Variants in R3HDM1 observed in about 807,000 individuals in gnomAD.
R3HDM1 encodes R3H domain containing 1.
Under a neutral mutation model 141.1 loss-of-function variants are expected in R3HDM1, and 46 were observed. That is an observed-to-expected ratio of 0.33 (90% CI 0.26 to 0.42). The LOEUF is 0.42. R3HDM1 is among the 10% of genes least tolerant of loss of function. The probability of loss-of-function intolerance (pLI) is 1.00; values close to 1 mark genes in which losing one functional copy is unlikely to be tolerated. For synonymous variants in R3HDM1, 435 were observed against 472.9 expected, an observed-to-expected ratio of 0.92 and a Z score of 1.04; for missense variants, 1,184 against 1,368.3, an observed-to-expected ratio of 0.87 and a Z score of 2.12.
At chr2:135,637,912 A>T (rs995335845) in intron 11 of R3HDM1, among the ~76,000 whole-genome samples, 10 of 152,156 alleles carry the variant, frequency 6.6e-5, no homozygotes, top group African/African-American at 2.4e-4. Context: ...CTCAAATCTG[A>T]CTTTTTGCTA....
At chr2:135,649,850 T>A (rs2064950517) in intron 16 of R3HDM1, 52 bp from the exon 17 acceptor site, 1 of 1,065,638 alleles carries the variant, frequency 9.4e-7, no homozygotes, top group Admixed American at 3.8e-5. Flanking sequence ...ATGCAATTCT[T>A]CTAACGTTTT....
At chr2:135,575,630 A>G (rs1426397931) in intron 1 of R3HDM1, among the ~76,000 whole-genome samples, 1 of 152,232 alleles carries the variant, frequency 6.6e-6, no homozygotes, top group African/African-American at 2.4e-5. Flanking sequence ...AGACTCATAT[A>G]CAGACAGTAG....
chr2:135,634,650 A>AT (rs1180335522), intron 9 of R3HDM1, among the ~76,000 whole-genome samples: 1 of 152,144 alleles, frequency 6.6e-6, no homozygotes, highest in Admixed American at 6.5e-5. Flanking sequence ...TCTCTAAAAA[A>AT]TTTTTTTAAA....
intron 1 of R3HDM1, among the ~76,000 whole-genome samples, chr2:135,552,129 A>G (rs935380213): frequency 3.9e-5 from 6 of 152,236 alleles, no homozygotes; most frequent in African/African-American, 1.4e-4. Context: ...ATGCTGTAAT[A>G]ATTATGAAAG....
rs529415350 is a variant in R3HDM1 at position 135,654,895 on chromosome 2, T to C, written c.2028+2863T>C. On this transcript the variant is annotated intron_variant, in intron 18 of 26. Transcript: ENST00000683871. ...GTGTGTGTGTGTGTGTGTGTGTGTGTGTGTGTGTTTGTCTTTTTGTTATTG... is the reference window on the plus strand; with the variant it reads ...GTGTGTGTGTGTGTGTGTGTGTGTGCGTGTGTGTTTGTCTTTTTGTTATTG... 2.0e-5 allele frequency among the ~76,000 whole-genome samples: 3 copies of C among 151,410 alleles called. No individual in the cohort carries two copies. The South Asian group carries it at 6.2e-4, about 31-fold the overall frequency.
chr2:135,563,494 A>G (rs557418085), intron 1 of R3HDM1, among the ~76,000 whole-genome samples: 9 of 152,240 alleles, frequency 5.9e-5, no homozygotes, highest in African/African-American at 2.2e-4. Flanking sequence ...ATTTGATTTT[A>G]TTGTATACTT....
chr2:135,534,095 C>T (rs780215143), intron 1 of R3HDM1: 128 of 923,484 alleles, frequency 1.4e-4, no homozygotes, highest in Non-Finnish European at 1.2e-4. Flanking sequence ...GCACAGTTTG[C>T]GACTAGTTAT....
intron 1 of R3HDM1, among the ~76,000 whole-genome samples, chr2:135,559,825 A>G (rs1034244160): frequency 6.6e-6 from 1 of 152,268 alleles, no homozygotes; most frequent in Non-Finnish European, 1.5e-5. Context: ...AGCTGACTAT[A>G]GCTTTCTCTC....
intron 21 of R3HDM1, among the ~76,000 whole-genome samples, chr2:135,690,040 TA>T (rs930497222): frequency 4.6e-5 from 7 of 152,162 alleles, no homozygotes; most frequent in African/African-American, 1.7e-4. Flanking sequence ...TAAGAACCTT[TA>T]AAAAATGTTT....
intron 21 of R3HDM1, among the ~76,000 whole-genome samples, chr2:135,708,867 G>A (rs113282513): frequency 0.053 from 7,986 of 149,518 alleles, 381 homozygotes; most frequent in African/African-American, 0.12. Context: ...GCTGAGGCAG[G>A]AGAATTGCTT....
At chr2:135,542,766 T>C (rs987365379) in intron 1 of R3HDM1, among the ~76,000 whole-genome samples, 3 of 152,192 alleles carry the variant, frequency 2.0e-5, no homozygotes, top group South Asian at 4.1e-4. Flanking sequence ...TGAGACGGCG[T>C]CTCACTCTGT....
At chr2:135,607,552 G>C (rs955300995) in intron 3 of R3HDM1, among the ~76,000 whole-genome samples, 1 of 152,186 alleles carries the variant, frequency 6.6e-6, no homozygotes, top group Non-Finnish European at 1.5e-5. Context: ...AGTGATGACA[G>C]CATGCCAGTG....
intron 1 of R3HDM1, among the ~76,000 whole-genome samples, chr2:135,566,300 A>G (rs1324421289): frequency 1.3e-5 from 2 of 152,218 alleles, no homozygotes; most frequent in African/African-American, 4.8e-5. Context: ...TTGCTTTAAA[A>G]AAACTTGGCA....
At chr2:135,543,592 G>C (rs1252190198) in intron 1 of R3HDM1, among the ~76,000 whole-genome samples, 5 of 151,870 alleles carry the variant, frequency 3.3e-5, no homozygotes, top group African/African-American at 1.2e-4. Context: ...TATTAAATGA[G>C]AAATTTTAAA....
intron 1 of R3HDM1, among the ~76,000 whole-genome samples, chr2:135,537,555 G>A (rs1036819705): frequency 2.0e-5 from 3 of 151,248 alleles, no homozygotes; most frequent in African/African-American, 7.3e-5. Flanking sequence ...CAAAGTGCTG[G>A]GATTACAGGC....
Position 135,724,052 on chromosome 2 carries a change from C to T in R3HDM1, c.3165C>T (p.Asp1055=), listed in dbSNP as rs1351613256. The part of the protein sequence containing the change: ...KIGAKIRWLR[D]PQSQPRRHPL... ...GCGCCAAGATCCGGTGGCTCCGGGA[C>T]CCCCAGTCCCAACCACGTCGTCACC... Residue 1055 remains aspartate (D), a synonymous_variant, in exon 27 of 27, where the codon GAC becomes GAT. Transcript: ENST00000683871. 5.6e-6 allele frequency: 9 copies of T among 1,613,920 alleles called. No homozygotes were observed. Among genetic ancestry groups the T allele is most frequent in the Admixed American group, 1.7e-5 (1 of 59,988 alleles).
intron 1 of R3HDM1, among the ~76,000 whole-genome samples, chr2:135,538,191 T>C (rs1330880232): frequency 1.3e-5 from 2 of 152,182 alleles, no homozygotes; most frequent in African/African-American, 4.8e-5. Flanking sequence ...CTAAATACTA[T>C]AGACAATTCT....
At position 135,697,460 on chromosome 2, in the gene R3HDM1, G is replaced by A. The variant is rs192673717; in HGVS notation, c.2460-11973G>A. ...AGATAGGTATCAGAGACATGTTTAT[G>A]AATGTTTGTAGCAACAATGTTTAGC... On this transcript the variant is annotated intron_variant, in intron 21 of 26. Transcript: ENST00000683871. 1.1e-3 allele frequency among the ~76,000 whole-genome samples: 174 copies of A among 152,300 alleles called. 2 individuals carry two copies. Among genetic ancestry groups the A allele is most frequent in the African/African-American group, 3.6e-3 (150 of 41,570 alleles).
intron 1 of R3HDM1, among the ~76,000 whole-genome samples, chr2:135,573,278 G>T (rs1227486528): frequency 6.6e-6 from 1 of 151,930 alleles, no homozygotes; most frequent in African/African-American, 2.4e-5. Context: ...GAATAAGAAG[G>T]ACAAAAATCT....
Sources: allele counts gnomAD v4.1 joint callset (sites outside exome capture counted in the v4.1 genomes callset), GRCh38; gene constraint gnomAD v4.1.1; transcripts MANE v1.5; gene names NCBI Gene and HGNC (gene_info 2026-07-23, HGNC 2026-07-21).